STX8: variants seen among roughly 807,000 people sequenced by gnomAD.
The protein encoded by STX8 is syntaxin-8.
Under a neutral mutation model 37.5 loss-of-function variants are expected in STX8, and 23 were observed. That is an observed-to-expected ratio of 0.61 (90% CI 0.44 to 0.87). STX8 has a LOEUF of 0.87. Among genes scored for constraint, STX8 ranks in the 40% least tolerant of loss-of-function variants. The pLI is 0.00. For missense variants in STX8, 313 were observed against 284.7 expected, an observed-to-expected ratio of 1.10 and a Z score of -0.71; for synonymous variants, 115 against 99.1, an observed-to-expected ratio of 1.16 and a Z score of -0.95.
intron 6 of STX8, among the ~76,000 whole-genome samples, chr17:9,433,063 T>C (rs1214155107): frequency 2.0e-5 from 3 of 152,172 alleles, no homozygotes; most frequent in Non-Finnish European, 4.4e-5. Context: ...GGGAAACCAG[T>C]TGTGAAAATA....
intron 6 of STX8, among the ~76,000 whole-genome samples, chr17:9,477,869 G>A (rs1458141415): frequency 3.3e-5 from 5 of 152,320 alleles, no homozygotes; most frequent in African/African-American, 1.2e-4. Context: ...GGGGAAGGGG[G>A]AAATTTTCCC....
intron 7 of STX8, among the ~76,000 whole-genome samples, chr17:9,277,377 G>T (rs1194015166): frequency 6.7e-6 from 1 of 150,344 alleles, no homozygotes; most frequent in Non-Finnish European, 1.5e-5. Context: ...TGAGGGCAGG[G>T]TCTCAATGAG....
chr17:9,362,938 A>G (rs1436516581), intron 7 of STX8, among the ~76,000 whole-genome samples: 2 of 152,178 alleles, frequency 1.3e-5, no homozygotes, highest in African/African-American at 4.8e-5. Context: ...ATAAAAACAC[A>G]CTGAAGGTAA....
At chr17:9,383,988 G>A (rs917963120) in intron 6 of STX8, among the ~76,000 whole-genome samples, 5 of 152,112 alleles carry the variant, frequency 3.3e-5, no homozygotes, top group African/African-American at 1.2e-4. Flanking sequence ...GAACTGGCCT[G>A]ACCCATATGG....
chr17:9,386,334 T>C (rs1720510546), intron 6 of STX8, among the ~76,000 whole-genome samples: 1 of 152,146 alleles, frequency 6.6e-6, no homozygotes, highest in South Asian at 2.1e-4. Context: ...AAACAATCAT[T>C]ATATGCTTTG....
chr17:9,401,793 A>G (rs149479532), intron 6 of STX8, among the ~76,000 whole-genome samples: 102 of 152,360 alleles, frequency 6.7e-4, no homozygotes, highest in African/African-American at 2.3e-3. Context: ...TCAGTTAGAA[A>G]GCCAAAGTTA....
chr17:9,364,695 T>A (rs1248300317), intron 7 of STX8, among the ~76,000 whole-genome samples: 1 of 152,036 alleles, frequency 6.6e-6, no homozygotes, highest in Non-Finnish European at 1.5e-5. Context: ...CACGCTCAGC[T>A]AATTTTTTTT....
rs866018948 is a variant in STX8, at chr17:9,274,681, T to A, written c.644-24036A>T. On this transcript the variant is annotated intron_variant, in intron 7 of 7. Transcript: ENST00000306357. Reference sequence around the variant, plus strand: ...ACAGTGTGAGACTCTGTCTCAAAAATAATAATAATAATAATAATAATAATA... The same window carrying A: ...ACAGTGTGAGACTCTGTCTCAAAAAAAATAATAATAATAATAATAATAATA... Among the ~76,000 whole-genome samples, 352 of 113,002 alleles carry A rather than the reference T, an allele frequency of 3.1e-3. 5 individuals are homozygous for A. The highest frequency in any genetic ancestry group is 0.011 in the African/African-American group (341 of 31,188). The allele number at this position is 113,002 out of a possible 152,430, so 74.1% of individuals were successfully genotyped here.
chr17:9,464,219 T>C (rs1208367630), intron 6 of STX8, among the ~76,000 whole-genome samples: 1 of 152,268 alleles, frequency 6.6e-6, no homozygotes, highest in African/African-American at 2.4e-5. Context: ...TAAAGAGCAG[T>C]TGCTTTAGAA....
intron 6 of STX8, among the ~76,000 whole-genome samples, chr17:9,454,066 T>G (rs9892348): frequency 1.3e-5 from 2 of 152,014 alleles, no homozygotes; most frequent in Non-Finnish European, 2.9e-5. Context: ...TAAATATGTT[T>G]TCTACATTAT....
At chr17:9,441,721 G>A (rs1373667953) in intron 6 of STX8, among the ~76,000 whole-genome samples, 5 of 136,596 alleles carry the variant, frequency 3.7e-5, no homozygotes, top group Non-Finnish European at 7.7e-5. Context: ...CTGTGCCAAG[G>A]CTGGAGTGCA....
chr17:9,556,636 T>A (rs1310002220), intron 3 of STX8, among the ~76,000 whole-genome samples: 1 of 151,274 alleles, frequency 6.6e-6, no homozygotes, highest in Non-Finnish European at 1.5e-5. Context: ...GAGATGGGGT[T>A]TCACCATGTT....
chr17:9,320,978 T>C (rs1180676122), intron 7 of STX8, among the ~76,000 whole-genome samples: 11 of 148,336 alleles, frequency 7.4e-5, no homozygotes, highest in Non-Finnish European at 5.9e-5. Flanking sequence ...TCTAGTTAAA[T>C]TGGAGTGCAA....
chr17:9,344,786 A>G (rs1019241772), intron 7 of STX8, among the ~76,000 whole-genome samples: 3 of 152,084 alleles, frequency 2.0e-5, no homozygotes, highest in Admixed American at 2.0e-4. Flanking sequence ...TTAAAATCAA[A>G]CTAAGCGACT....
chr17:9,273,901 C>T (rs1203814690), intron 7 of STX8, among the ~76,000 whole-genome samples: 1 of 152,176 alleles, frequency 6.6e-6, no homozygotes, highest in African/African-American at 2.4e-5. Flanking sequence ...CGTCTGCTCT[C>T]AGTGGTCCCT....
intron 6 of STX8, among the ~76,000 whole-genome samples, chr17:9,442,100 C>T (rs546250404): frequency 2.2e-4 from 33 of 152,310 alleles, no homozygotes; most frequent in African/African-American, 6.7e-4. Flanking sequence ...CACGTGTCTT[C>T]GAACTCAGTG....
intron 7 of STX8, among the ~76,000 whole-genome samples, chr17:9,309,249 T>A (rs1023995585): frequency 6.6e-6 from 1 of 152,182 alleles, no homozygotes; most frequent in African/African-American, 2.4e-5. Context: ...AAGCAAACAT[T>A]TTTGAGATTT....
chr17:9,269,186 CAAAAA>C (rs34395133), intron 7 of STX8, among the ~76,000 whole-genome samples: 1 of 124,096 alleles, frequency 8.1e-6, no homozygotes, highest in African/African-American at 2.9e-5. Context: ...GACTCCGTCT[CAAAAA>C]AAAAAAAAAA....
intron 4 of STX8, among the ~76,000 whole-genome samples, chr17:9,508,476 TGCCATCACATCCA>T (rs1343089160): frequency 6.6e-6 from 1 of 152,168 alleles, no homozygotes; most frequent in Non-Finnish European, 1.5e-5. Flanking sequence ...TACAGGGGCA[TGCCATCACATCCA>T]GCTAATTTTT....
Sources: gnomAD v4.1 joint callset for allele counts (sites outside exome capture counted in the v4.1 genomes callset) on GRCh38, gnomAD v4.1.1 for gene constraint, MANE v1.5 for transcripts, NCBI Gene and HGNC (gene_info 2026-07-23, HGNC 2026-07-21) for gene names.